The following FILIP1 variants were observed in gnomAD, a reference collection of about 807,000 sequenced individuals.
The protein encoded by FILIP1 is filamin-A-interacting protein 1.
FILIP1 carries 61 observed loss-of-function variants against 102.1 expected under a neutral mutation model. That is an observed-to-expected ratio of 0.60 (90% confidence interval 0.49 to 0.74). The LOEUF is 0.74. FILIP1 is among the 30% of genes least tolerant of loss of function. The pLI is 0.00. For synonymous variants in FILIP1, 491 were observed against 526.9 expected, an observed-to-expected ratio of 0.93 and a Z score of 0.93; for missense variants, 1,314 against 1,441.2, an observed-to-expected ratio of 0.91 and a Z score of 1.43.
At chr6:75,395,944 TTG>T (rs1253357719) in intron 2 of FILIP1, among the ~76,000 whole-genome samples, 1 of 151,990 alleles carries the variant, frequency 6.6e-6, no homozygotes, top group African/African-American at 2.4e-5. Flanking sequence ...CCTAATGACC[TTG>T]ACTTGGATGT....
intron 1 of FILIP1, among the ~76,000 whole-genome samples, chr6:75,483,782 A>C (rs888200089): frequency 6.6e-6 from 1 of 152,142 alleles, no homozygotes; most frequent in African/African-American, 2.4e-5. Flanking sequence ...ATATTTTCAG[A>C]GTGGGCTCCA....
At position 75,427,298 on chromosome 6, in the gene FILIP1, A is replaced by G. The variant is rs113058071; in HGVS notation, c.-6-12320T>C. 1.7e-3 allele frequency among the ~76,000 whole-genome samples: 265 copies of G among 152,268 alleles called. 1 individual carries two copies. Among genetic ancestry groups the G allele is most frequent in the African/African-American group, 6.3e-3 (261 of 41,556 alleles). On this transcript the variant is annotated intron_variant, in intron 1 of 5. Coordinates refer to ENST00000237172, the MANE Select transcript of FILIP1 (RefSeq NM_015687.5). Reference sequence around the variant, plus strand: ...AGTTGAATTCAGTCATAAAAAATCAATCATTAGCCTTGTGCCCCTGACTTT... The same window carrying G: ...AGTTGAATTCAGTCATAAAAAATCAGTCATTAGCCTTGTGCCCCTGACTTT...
intron 1 of FILIP1, among the ~76,000 whole-genome samples, chr6:75,441,892 C>G (rs1227157743): frequency 7.4e-5 from 11 of 149,562 alleles, no homozygotes; most frequent in East Asian, 2.0e-4. Flanking sequence ...GGGTAGACCC[C>G]CCCACCTCCC....
Position 75,353,552 on chromosome 6 carries a change from G to A in FILIP1, c.616C>T (p.Gln206Ter), listed in dbSNP as rs756218569. 6.2e-7 allele frequency: 1 copy of A among 1,614,136 alleles called. No individual in the cohort carries two copies. The highest frequency in any genetic ancestry group is 2.2e-5 in the East Asian group (1 of 44,878). The change falls in exon 4 of 6, where the codon CAG becomes TAG. Residue 206 changes from glutamine (Q) to a stop codon, truncating the protein, a stop_gained. Coordinates refer to ENST00000237172, the MANE Select transcript of FILIP1 (RefSeq NM_015687.5). LOFTEE classifies it high-confidence loss of function. ...KSDDFTNLLE[Q>*]ERERLKKLLE... ...TGTGCACATTACCTCTCCCGCTCCT[G>A]CTCCAGCAGGTTGGTGAAGTCGTCG... is the stretch of plus-strand genomic sequence containing the variant.
intron 2 of FILIP1, among the ~76,000 whole-genome samples, chr6:75,403,557 T>C (rs1004555629): frequency 2.0e-5 from 3 of 146,524 alleles, no homozygotes; most frequent in African/African-American, 7.6e-5. Context: ...TATTGACTGG[T>C]ACAGGAGGAA....
rs1434398137 is a variant in FILIP1, at chr6:75,313,296, G to A, written c.2536C>T (p.Pro846Ser). 1 of 1,614,014 alleles carries A rather than the reference G, an allele frequency of 6.2e-7. No homozygotes were observed. Among genetic ancestry groups the A allele is most frequent in the Non-Finnish European group, 8.5e-7 (1 of 1,180,050 alleles). ...SNLRQVGLKKPVERSSVLDRY... is the reference protein window; with the variant it reads ...SNLRQVGLKKSVERSSVLDRY... The stretch of plus-strand genomic sequence containing the variant: ...TCTAGAACAGAAGATCTTTCCACGG[G>A]TTTCTTCAATCCCACCTGCCGAAGA... Residue 846 changes from proline to serine, a missense_variant, in exon 5 of 6, where the codon CCC (proline) becomes TCC (serine). Coordinates refer to ENST00000237172, the MANE Select transcript of FILIP1 (RefSeq NM_015687.5). The surrounding 1 kb of genome is among the most constrained non-coding windows in gnomAD (Gnocchi z 4.2).
At chr6:75,483,086 G>T (rs1167212163) in intron 1 of FILIP1, among the ~76,000 whole-genome samples, 2 of 151,730 alleles carry the variant, frequency 1.3e-5, no homozygotes, top group East Asian at 3.9e-4. Context: ...ATCTTAGTAA[G>T]ATTCATTTTA....
intron 1 of FILIP1, among the ~76,000 whole-genome samples, chr6:75,450,696 C>T (rs2149734663): frequency 6.6e-6 from 1 of 150,700 alleles, no homozygotes; most frequent in Non-Finnish European, 1.5e-5. Context: ...TGGCTCATGC[C>T]TGTAATCTCA....
chr6:75,456,392 G>C (rs1219228497), intron 1 of FILIP1, among the ~76,000 whole-genome samples: 1 of 152,016 alleles, frequency 6.6e-6, no homozygotes, highest in African/African-American at 2.4e-5. Flanking sequence ...TTGGCATCTA[G>C]CATATATTGC....
chr6:75,446,397 T>C (rs962516715), intron 1 of FILIP1, among the ~76,000 whole-genome samples: 2 of 152,194 alleles, frequency 1.3e-5, no homozygotes, highest in Admixed American at 1.3e-4. Context: ...ATGTAACCAC[T>C]AGCCATCTCA....
chr6:75,420,860 A>G (rs1414103977), intron 1 of FILIP1, among the ~76,000 whole-genome samples: 4 of 152,318 alleles, frequency 2.6e-5, no homozygotes, highest in African/African-American at 7.2e-5. Context: ...GACATTTAAT[A>G]AGACTTCTTC....
chr6:75,313,751 A>G lies in FILIP1; in HGVS notation c.2081T>C (p.Ile694Thr), dbSNP rs1165257553. Reference protein sequence around the residue: ...IKHQIAKNKAIEKGEVVSQEA... With the variant: ...IKHQIAKNKATEKGEVVSQEA... ...CTGGCTCACAACCTCACCCTTCTCT[A>G]TTGCTTTATTCTTGGCAATTTGGTG... Residue 694 changes from isoleucine (I) to threonine (T), a missense_variant, in exon 5 of 6, where the codon ATA (isoleucine) becomes ACA (threonine). Coordinates refer to ENST00000237172, the MANE Select transcript of FILIP1 (RefSeq NM_015687.5). This position sits in a 1 kb window ranked among gnomAD's most constrained non-coding sequence, Gnocchi z 4.2. The G allele has an allele frequency of 2.5e-6, 4 of 1,586,802 alleles. No individual in the cohort carries two copies. Among genetic ancestry groups the G allele is most frequent in the South Asian group, 1.2e-5 (1 of 84,756 alleles).
chr6:75,410,798 T>C (rs999510898), intron 2 of FILIP1, among the ~76,000 whole-genome samples: 3 of 152,230 alleles, frequency 2.0e-5, no homozygotes, highest in Non-Finnish European at 4.4e-5. Context: ...CAGTCTAACA[T>C]TGATGGCATT....
At chr6:75,362,592 C>A in intron 3 of FILIP1, 152 bp downstream of exon 3, 2 of 646,236 alleles carry the variant, frequency 3.1e-6, no homozygotes, top group Non-Finnish European at 2.6e-6. Flanking sequence ...TCCACTATAA[C>A]CCTTGACTTA....
At chr6:75,419,730 G>A (rs1777389841) in intron 1 of FILIP1, among the ~76,000 whole-genome samples, 1 of 152,142 alleles carries the variant, frequency 6.6e-6, no homozygotes, top group African/African-American at 2.4e-5. Flanking sequence ...AGATGCAAAA[G>A]ACCAATTAAA....
chr6:75,409,799 G>T (rs1003707902), intron 2 of FILIP1, among the ~76,000 whole-genome samples: 2 of 151,820 alleles, frequency 1.3e-5, no homozygotes, highest in African/African-American at 4.8e-5. Flanking sequence ...GCAACTGACT[G>T]ACCCCACCTG....
chr6:75,344,313 GTCTAGGCCA>G (rs1774509686), intron 4 of FILIP1, among the ~76,000 whole-genome samples: 1 of 152,134 alleles, frequency 6.6e-6, no homozygotes, highest in Admixed American at 6.5e-5. Context: ...TCTCTCTAAT[GTCTAGGCCA>G]TCAAAGGTTG....
chr6:75,414,713 A>G lies in FILIP1; in HGVS notation c.260T>C (p.Met87Thr). ...KEDLIQLLSIMEGELQAREDV... is the reference protein window; with the variant it reads ...KEDLIQLLSITEGELQAREDV... ...TGACTCTACCTGCAACTCCCCTTCC[A>G]TTATACTGAGTAGTTGGATGAGGTC... The change falls in exon 2 of 6, where the codon ATG (methionine) becomes ACG (threonine). Residue 87 changes from methionine to threonine, a missense_variant. This residue lies in a region of FILIP1 where 494 missense variants were observed against 511.2 expected (regional missense o/e 0.97). Coordinates refer to ENST00000237172, the MANE Select transcript of FILIP1 (RefSeq NM_015687.5). 6.2e-7 allele frequency: 1 copy of G among 1,613,394 alleles called. No homozygotes were observed. Among genetic ancestry groups the G allele is most frequent in the Non-Finnish European group, 8.5e-7 (1 of 1,179,614 alleles).
chr6:75,487,316 G>A (rs757940022), intron 1 of FILIP1, among the ~76,000 whole-genome samples: 7 of 152,012 alleles, frequency 4.6e-5, no homozygotes, highest in Admixed American at 1.3e-4. Context: ...GTGTGTTGTC[G>A]TCACAGTAAC....
Sources: gnomAD v4.1 joint callset for allele counts (sites outside exome capture counted in the v4.1 genomes callset) on GRCh38, gnomAD v4.1.1 for gene constraint, gnomAD v4.1.1 regional missense constraint, Gnocchi (gnomAD v3.1) non-coding constraint, MANE v1.5 for transcripts, NCBI Gene and HGNC (gene_info 2026-07-23, HGNC 2026-07-21) for gene names.